Variants in NOL4 observed in about 807,000 individuals in gnomAD.
NOL4 encodes nucleolar protein 4.
Under a neutral mutation model 75.9 loss-of-function variants are expected in NOL4, and 17 were observed. The observed-to-expected ratio is 0.22, with a 90% CI of 0.15 to 0.34. NOL4 has a LOEUF of 0.34. Among genes scored for constraint, NOL4 ranks in the 10% least tolerant of loss-of-function variants. The pLI, the probability that NOL4 is intolerant of heterozygous loss-of-function variation, is 1.00. For missense variants in NOL4, 614 were observed against 793.5 expected, an observed-to-expected ratio of 0.77 and a Z score of 2.72; for synonymous variants, 292 against 289.9, an observed-to-expected ratio of 1.01 and a Z score of -0.07.
rs574643250 is a variant in NOL4 at position 34,064,702 on chromosome 18, A to T, written c.772+28763T>A. On this transcript the variant is annotated intron_variant, in intron 5 of 10. Coordinates refer to ENST00000261592, the MANE Select transcript of NOL4 (RefSeq NM_003787.5). ...ATAGTAGTACTCTCTATGACACATA[A>T]TTCAGTTGTATTATAGCAATGTAAG... 2.2e-4 allele frequency among the ~76,000 whole-genome samples: 33 copies of T among 152,058 alleles called. No homozygotes were observed. The South Asian group carries it at 6.8e-3, about 32-fold the overall frequency.
At chr18:33,891,646 A>G (rs890843928) in intron 9 of NOL4, among the ~76,000 whole-genome samples, 5 of 152,206 alleles carry the variant, frequency 3.3e-5, no homozygotes, top group Non-Finnish European at 7.3e-5. Context: ...TTGGAAAATA[A>G]CAATGAAATG....
chr18:34,031,584 C>T (rs551981341), intron 5 of NOL4, among the ~76,000 whole-genome samples: 2 of 152,218 alleles, frequency 1.3e-5, no homozygotes, highest in South Asian at 4.1e-4. Context: ...ATATATGCCT[C>T]CTTCACTAAG....
chr18:33,997,453 A>G (rs1034672401), intron 6 of NOL4, among the ~76,000 whole-genome samples: 21 of 151,614 alleles, frequency 1.4e-4, no homozygotes, highest in African/African-American at 5.1e-4. Context: ...TACCAATACC[A>G]TGCTGTTTTG....
chr18:33,875,060 T>A (rs954488461), intron 10 of NOL4, among the ~76,000 whole-genome samples: 1 of 152,072 alleles, frequency 6.6e-6, no homozygotes, highest in African/African-American at 2.4e-5. Context: ...GCCCAGTTTA[T>A]AACAGAGTTG....
chr18:33,964,106 T>C (rs1436135886), intron 6 of NOL4, among the ~76,000 whole-genome samples: 1 of 152,206 alleles, frequency 6.6e-6, no homozygotes, highest in Non-Finnish European at 1.5e-5. Context: ...TATGTTCATA[T>C]TCCATGCAGT....
chr18:34,005,895 ATTCTC>A (rs2146276556), intron 6 of NOL4, among the ~76,000 whole-genome samples: 1 of 151,982 alleles, frequency 6.6e-6, no homozygotes, highest in African/African-American at 2.4e-5. Flanking sequence ...TTTTGTGACT[ATTCTC>A]TTCTTTCTTT....
intron 2 of NOL4, among the ~76,000 whole-genome samples, chr18:34,129,134 A>G (rs1477373716): frequency 2.6e-5 from 4 of 151,932 alleles, no homozygotes; most frequent in Non-Finnish European, 4.4e-5. Context: ...TTAAATAAAA[A>G]GCTAGATTAA....
intron 1 of NOL4, chr18:34,222,193 T>G: frequency 6.8e-7 from 1 of 1,465,336 alleles, no homozygotes; most frequent in Non-Finnish European, 9.0e-7. Context: ...TCGCGGCGCC[T>G]GGGCTAGAGC....
intron 9 of NOL4, among the ~76,000 whole-genome samples, chr18:33,892,498 CACAGCTG>C (rs1308697444): frequency 5.3e-5 from 8 of 152,048 alleles, no homozygotes; most frequent in Non-Finnish European, 1.0e-4. Flanking sequence ...CCAAAGTTCT[CACAGCTG>C]ACAGCTTGCC....
chr18:34,081,143 C>T (rs745829393), intron 5 of NOL4, among the ~76,000 whole-genome samples: 19 of 152,170 alleles, frequency 1.2e-4, no homozygotes, highest in Non-Finnish European at 2.1e-4. Flanking sequence ...ATTAACTTCT[C>T]AATTTACTAA....
chr18:34,188,059 T>C (rs976506582), intron 1 of NOL4, among the ~76,000 whole-genome samples: 1 of 152,214 alleles, frequency 6.6e-6, no homozygotes, highest in African/African-American at 2.4e-5. Context: ...TTGCATGCAA[T>C]GTCCTAATTA....
intron 1 of NOL4, among the ~76,000 whole-genome samples, chr18:34,163,331 T>C (rs923252810): frequency 1.3e-5 from 2 of 151,588 alleles, no homozygotes; most frequent in African/African-American, 4.8e-5. Context: ...TGATTGTATA[T>C]CTAGAAAACC....
chr18:34,056,141 T>C (rs1303523139), intron 5 of NOL4, among the ~76,000 whole-genome samples: 1 of 152,222 alleles, frequency 6.6e-6, no homozygotes, highest in Non-Finnish European at 1.5e-5. Context: ...TTAGGTTCTA[T>C]ATCCAAGGTT....
chr18:34,129,815 AT>A, intron 2 of NOL4, 55 bp downstream of exon 2: 1 of 1,461,110 alleles, frequency 6.8e-7, no homozygotes, highest in Non-Finnish European at 9.1e-7. Flanking sequence ...TTAAACAAGG[AT>A]ACATAATATC....
At chr18:34,196,415 T>C (rs1024752404) in intron 1 of NOL4, among the ~76,000 whole-genome samples, 4 of 152,138 alleles carry the variant, frequency 2.6e-5, no homozygotes, top group African/African-American at 7.2e-5. Flanking sequence ...TTCACAGTCT[T>C]CTCAACTGTG....
At chr18:33,887,345 C>T (rs1050356009) in intron 9 of NOL4, among the ~76,000 whole-genome samples, 2 of 150,520 alleles carry the variant, frequency 1.3e-5, no homozygotes, top group African/African-American at 4.9e-5. Context: ...TGGTAGTCAG[C>T]AAATTGCAGA....
At chr18:33,925,158 G>C (rs1362798366) in intron 9 of NOL4, among the ~76,000 whole-genome samples, 2 of 151,888 alleles carry the variant, frequency 1.3e-5, no homozygotes, top group African/African-American at 4.8e-5. Context: ...ATATTAGTAC[G>C]ATTATGTATG....
intron 1 of NOL4, among the ~76,000 whole-genome samples, chr18:34,162,185 A>T (rs1458421397): frequency 6.6e-6 from 1 of 152,200 alleles, no homozygotes; most frequent in Non-Finnish European, 1.5e-5. Flanking sequence ...GAACTAGAAA[A>T]GCAAGAGCAA....
chr18:34,116,936 T>G (rs1364817054), intron 2 of NOL4, among the ~76,000 whole-genome samples: 2 of 152,186 alleles, frequency 1.3e-5, no homozygotes, highest in Non-Finnish European at 2.9e-5. Context: ...AAAAAGGGTT[T>G]CTAACTATTC....
Sources: gnomAD v4.1 joint callset for allele counts (sites outside exome capture counted in the v4.1 genomes callset) on GRCh38, gnomAD v4.1.1 for gene constraint, MANE v1.5 for transcripts, NCBI Gene and HGNC (gene_info 2026-07-23, HGNC 2026-07-21) for gene names.